The following P2RX3 variants were observed in gnomAD, a reference collection of about 807,000 sequenced individuals.
The protein encoded by P2RX3 is P2X purinoceptor 3.
P2RX3 carries 41 observed loss-of-function variants against 51.5 expected under a neutral mutation model. The observed-to-expected ratio is 0.80, with a 90% confidence interval of 0.62 to 1.03. P2RX3 has a LOEUF of 1.03. P2RX3 is among the 50% of genes least tolerant of loss of function. The pLI, the probability that P2RX3 is intolerant of heterozygous loss-of-function variation, is 0.00. For missense variants in P2RX3, 459 were observed against 522.1 expected, an observed-to-expected ratio of 0.88 and a Z score of 1.18; for synonymous variants, 185 against 191.6, an observed-to-expected ratio of 0.97 and a Z score of 0.29.
rs1401447920 is a variant in P2RX3 at position 57,371,129 on chromosome 11, A to T, written c.*1132A>T. Among the ~76,000 whole-genome samples, 1 of 152,254 alleles carries T rather than the reference A, an allele frequency of 6.6e-6. No individual in the cohort carries two copies. The highest frequency in any genetic ancestry group is 1.5e-5 in the Non-Finnish European group (1 of 68,046). On this transcript the variant is annotated 3_prime_UTR_variant, in exon 12 of 12. Coordinates refer to ENST00000263314, the MANE Select transcript of P2RX3 (RefSeq NM_002559.5). The stretch of plus-strand genomic sequence containing the variant: ...TCAGTGCCACAGTTCATGGCCAAAA[A>T]GGAACCCACATGTCCTGGCCCTTCA...
intron 8 of P2RX3, 96 bp downstream of exon 8, chr11:57,350,994 C>T (rs533764433): frequency 8.8e-5 from 134 of 1,524,842 alleles, no homozygotes; most frequent in East Asian, 1.1e-4. Flanking sequence ...CATCCACCCA[C>T]CCCTGGCCCC....
At chr11:57,362,016 G>C (rs1856727788) in intron 8 of P2RX3, among the ~76,000 whole-genome samples, 1 of 152,200 alleles carries the variant, frequency 6.6e-6, no homozygotes, top group South Asian at 2.1e-4. Flanking sequence ...AGCAGAGCTT[G>C]GCAAGGTATC....
chr11:57,350,798 G>A lies in P2RX3; in HGVS notation c.742G>A (p.Asp248Asn). ...VLGIKIGWVC[D>N]LDKAWDQCIP... Reference sequence around the variant, plus strand: ...GGGCATTAAGATCGGCTGGGTGTGCGACTTGGACAAGGCCTGGGACCAGTG... The same window carrying A: ...GGGCATTAAGATCGGCTGGGTGTGCAACTTGGACAAGGCCTGGGACCAGTG... Residue 248 changes from aspartate (D) to asparagine (N), a missense_variant, in exon 8 of 12, where the codon GAC becomes AAC. Coordinates refer to ENST00000263314, the MANE Select transcript of P2RX3 (RefSeq NM_002559.5). 3 of 1,613,922 alleles carry A rather than the reference G, an allele frequency of 1.9e-6. No homozygotes were observed. Among genetic ancestry groups the A allele is most frequent in the Non-Finnish European group, 2.5e-6 (3 of 1,179,990 alleles).
intron 8 of P2RX3, among the ~76,000 whole-genome samples, chr11:57,352,031 A>G (rs1856557080): frequency 1.3e-5 from 2 of 152,174 alleles, no homozygotes; most frequent in South Asian, 2.1e-4. Context: ...TGACCAGGGG[A>G]AAAAAATACA....
At chr11:57,369,144 T>C in intron 10 of P2RX3, among the ~76,000 whole-genome samples, 1 of 152,182 alleles carries the variant, frequency 6.6e-6, no homozygotes, top group East Asian at 1.9e-4. Context: ...AAGGCCCCAC[T>C]TGTCAATACT....
intron 7 of P2RX3, 86 bp downstream of exon 7, chr11:57,349,984 C>G: frequency 6.5e-7 from 1 of 1,547,402 alleles, no homozygotes; most frequent in Non-Finnish European, 8.7e-7. Flanking sequence ...CCGGCACTGG[C>G]CAGGAGCCGC....
rs949008068 is a variant in P2RX3 at position 57,371,962 on chromosome 11, G to A, written c.*1965G>A. ...TAGGTGCCTCCGCCCCTCTGGAGCC[G>A]GCCAGCAAGTGTGTGTGAGCCTGAG... On this transcript the variant is annotated 3_prime_UTR_variant, in exon 12 of 12. Coordinates refer to ENST00000263314, the MANE Select transcript of P2RX3 (RefSeq NM_002559.5). Among the ~76,000 whole-genome samples, 6 of 146,368 alleles carry A rather than the reference G, an allele frequency of 4.1e-5. No homozygotes were observed. Among genetic ancestry groups the A allele is most frequent in the Non-Finnish European group, 7.5e-5 (5 of 66,324 alleles).
chr11:57,360,318 AC>A (rs1250931147), intron 8 of P2RX3, among the ~76,000 whole-genome samples: 1 of 152,152 alleles, frequency 6.6e-6, no homozygotes, highest in Non-Finnish European at 1.5e-5. Context: ...ACTACCTTAT[AC>A]TAGCTCCACC....
intron 6 of P2RX3, 39 bp from the exon 7 acceptor site, chr11:57,349,718 A>T: frequency 6.2e-7 from 1 of 1,613,344 alleles, no homozygotes. Context: ...CGATCTTCCC[A>T]TGAACCCTGG....
At chr11:57,353,117 G>A (rs1856572908) in intron 8 of P2RX3, among the ~76,000 whole-genome samples, 1 of 152,212 alleles carries the variant, frequency 6.6e-6, no homozygotes, top group African/African-American at 2.4e-5. Context: ...CCCACGTGTG[G>A]GAGGCTGCAA....
chr11:57,337,734 T>C (rs181770498), upstream of P2RX3, among the ~76,000 whole-genome samples: 1 of 152,156 alleles, frequency 6.6e-6, no homozygotes, highest in Non-Finnish European at 1.5e-5. Flanking sequence ...GACGGGTATA[T>C]TTACAGTTAA....
Position 57,346,431 on chromosome 11 carries a change from G to A in P2RX3, c.120-113G>A, listed in dbSNP as rs117438392. The A allele has an allele frequency of 5.9e-5, 79 of 1,339,926 alleles. 1 individual carries two copies. The South Asian group carries it at 5.9e-4, about 10-fold the overall frequency. The allele number at this position is 1,339,926 out of a possible 1,614,324, so 83.0% of individuals were successfully genotyped here. ...CTCACGCCTCTGGAAGGAACCATCC[G>A]CACACCCTGCCAGGCATGGCCAAGT... On this transcript the variant is annotated intron_variant, in intron 1 of 11. Transcript: ENST00000263314.
intron 8 of P2RX3, among the ~76,000 whole-genome samples, chr11:57,356,362 T>C (rs561625888): frequency 6.6e-6 from 1 of 152,380 alleles, no homozygotes; most frequent in East Asian, 1.9e-4. Context: ...GAATCGAAAC[T>C]GCATTTCAAA....
At chr11:57,355,617 A>G (rs940124073) in intron 8 of P2RX3, among the ~76,000 whole-genome samples, 4 of 152,230 alleles carry the variant, frequency 2.6e-5, no homozygotes, top group Admixed American at 2.6e-4. Context: ...CTGGGATTAT[A>G]CGCGTGAGCT....
chr11:57,340,967 G>GT (rs1436147922), intron 1 of P2RX3, among the ~76,000 whole-genome samples: 2 of 152,184 alleles, frequency 1.3e-5, no homozygotes, highest in Non-Finnish European at 2.9e-5. Flanking sequence ...GATGAGTGAG[G>GT]GTGGTGTACG....
chr11:57,341,021 G>C (rs1303984402), intron 1 of P2RX3, among the ~76,000 whole-genome samples: 2 of 152,184 alleles, frequency 1.3e-5, no homozygotes, highest in Non-Finnish European at 2.9e-5. Context: ...GACACCCTTA[G>C]AGAGCTTTTG....
At chr11:57,354,693 G>C (rs1856600501) in intron 8 of P2RX3, among the ~76,000 whole-genome samples, 1 of 151,978 alleles carries the variant, frequency 6.6e-6, no homozygotes, top group Non-Finnish European at 1.5e-5. Flanking sequence ...GGGTGTATTT[G>C]TTAGTGGGTG....
At chr11:57,342,053 C>A (rs900340245) in intron 1 of P2RX3, among the ~76,000 whole-genome samples, 6 of 151,982 alleles carry the variant, frequency 3.9e-5, no homozygotes, top group African/African-American at 1.5e-4. Flanking sequence ...CCTCTCAGCC[C>A]AGGGTATCAC....
At chr11:57,363,491 T>C (rs1856751318) in intron 8 of P2RX3, among the ~76,000 whole-genome samples, 1 of 152,136 alleles carries the variant, frequency 6.6e-6, no homozygotes, top group African/African-American at 2.4e-5. Flanking sequence ...AGTCCTCTCC[T>C]GACTCCTGAG....
Sources: gnomAD v4.1 joint callset for allele counts (sites outside exome capture counted in the v4.1 genomes callset) on GRCh38, gnomAD v4.1.1 for gene constraint, MANE v1.5 for transcripts, NCBI Gene and HGNC (gene_info 2026-07-23, HGNC 2026-07-21) for gene names.